Variants in ZCCHC8 observed in about 807,000 individuals in gnomAD.
ZCCHC8 encodes the protein zinc finger CCHC domain-containing protein 8.
Under a neutral mutation model 70.6 loss-of-function variants are expected in ZCCHC8, and 27 were observed. The ratio of observed to expected loss-of-function variants is 0.38; its 90% CI spans 0.28 to 0.53. The LOEUF is 0.53. ZCCHC8 is among the 20% of genes least tolerant of loss of function. The pLI is 0.81. For missense variants in ZCCHC8, 737 were observed against 876.9 expected (o/e 0.84, Z 2.01); for synonymous variants, 293 against 317.4 (o/e 0.92, Z 0.82).
At chr12:122,485,119 A>T (rs905423398) in intron 5 of ZCCHC8, among the ~76,000 whole-genome samples, 3 of 152,038 alleles carry the variant, frequency 2.0e-5, no homozygotes, top group African/African-American at 7.2e-5. Context: ...TATTATTATT[A>T]TTTTTTGAGA....
intron 4 of ZCCHC8, 27 bp from the exon 5 acceptor site, chr12:122,489,490 A>G (rs373140292): frequency 1.9e-6 from 3 of 1,599,628 alleles, no homozygotes; most frequent in Non-Finnish European, 2.6e-6. Flanking sequence ...CACATATTAC[A>G]ACCGGTAACC....
Position 122,483,234 on chromosome 12 carries a change from G to T in ZCCHC8, c.671+45C>A. ...TTCAAGCCAAAAGTTTATGATTTTG[G>T]TTAAAAAAGTAAATAAGTAAAACAA... On this transcript the variant is annotated intron_variant, in intron 7 of 13. Transcript: ENST00000633063. The surrounding 1 kb of genome is among the most constrained non-coding windows in gnomAD (Gnocchi z 4.4). The T allele has an allele frequency of 6.5e-7, 1 of 1,528,948 alleles. No individual in the cohort carries two copies. The highest frequency in any genetic ancestry group is 1.4e-5 in the African/African-American group (1 of 72,300). The allele number at this position is 1,528,948 out of a possible 1,614,324, so 94.7% of individuals were successfully genotyped here. A position where few individuals can be genotyped will look rare whatever the true frequency, so the allele number is the denominator to read the frequency against.
At position 122,477,930 on chromosome 12, in the gene ZCCHC8, G is replaced by A. The variant is rs1957452471; in HGVS notation, c.1256C>T (p.Ser419Phe). 1.2e-6 allele frequency: 2 copies of A among 1,613,816 alleles called. No individual in the cohort carries two copies. The highest frequency in any genetic ancestry group is 4.5e-5 in the East Asian group (2 of 44,870). Residue 419 changes from serine to phenylalanine, a missense_variant, in exon 13 of 14, where the codon TCT becomes TTT. Coordinates refer to ENST00000633063, the MANE Select transcript of ZCCHC8 (RefSeq NM_017612.5). ...ACTACCTGGGCTAGAGTGAGATGAAGACCTCTTGTTGCCAGACTTCACACC... is the reference window on the plus strand; with the variant it reads ...ACTACCTGGGCTAGAGTGAGATGAAAACCTCTTGTTGCCAGACTTCACACC... Reference protein sequence around the residue: ...APGVKSGNKRSSSHSSPGSPK... With the variant: ...APGVKSGNKRFSSHSSPGSPK...
At chr12:122,494,138 A>G (rs1436687352) in intron 2 of ZCCHC8, among the ~76,000 whole-genome samples, 1 of 152,200 alleles carries the variant, frequency 6.6e-6, no homozygotes, top group Non-Finnish European at 1.5e-5. Context: ...AATATATCCC[A>G]TGGGTAGCCC....
chr12:122,489,727 T>G (rs1456818613), intron 4 of ZCCHC8, among the ~76,000 whole-genome samples: 1 of 152,174 alleles, frequency 6.6e-6, no homozygotes, highest in Non-Finnish European at 1.5e-5. Context: ...AGTTTTACAT[T>G]ACTGGTCAAT....
At chr12:122,487,248 C>G (rs1337488336) in intron 5 of ZCCHC8, among the ~76,000 whole-genome samples, 1 of 152,208 alleles carries the variant, frequency 6.6e-6, no homozygotes, top group African/African-American at 2.4e-5. Flanking sequence ...AGAGCTGGGA[C>G]TTTGCCCTTC....
Position 122,500,781 on chromosome 12 carries a change from C to T in ZCCHC8, c.60G>A (p.Glu20=), listed in dbSNP as rs1460880950. Residue 20 remains glutamate, a synonymous_variant, in exon 1 of 14, where the codon GAG becomes GAA. Coordinates refer to ENST00000633063, the MANE Select transcript of ZCCHC8 (RefSeq NM_017612.5). The surrounding 1 kb of genome is among the most constrained non-coding windows in gnomAD (Gnocchi z 4.8). ...TGTGAACGGGCTTCGGAATCGACTC[C>T]TCTGGGTGGTCGAACGGCTCGAAGA... is the stretch of plus-strand genomic sequence containing the variant. ...LELFEPFDHP[E]ESIPKPVHTR... 1.3e-6 allele frequency: 2 copies of T among 1,590,522 alleles called. No homozygotes were observed. Among genetic ancestry groups the T allele is most frequent in the Non-Finnish European group, 1.7e-6 (2 of 1,168,974 alleles).
intron 9 of ZCCHC8, 108 bp from the exon 10 acceptor site, chr12:122,481,772 G>T (rs985802982): frequency 7.2e-7 from 1 of 1,382,042 alleles, no homozygotes; most frequent in Non-Finnish European, 9.7e-7. Context: ...ATACCATGAC[G>T]TCTAACAAAT....
chr12:122,483,579 C>T lies in ZCCHC8; in HGVS notation c.502-16G>A, dbSNP rs751284524. 1.3e-6 allele frequency: 2 copies of T among 1,530,726 alleles called. No homozygotes were observed. The highest frequency in any genetic ancestry group is 2.8e-5 in the African/African-American group (2 of 72,684). The allele number at this position is 1,530,726 out of a possible 1,614,324, so 94.8% of individuals were successfully genotyped here. ...TTCCTACAACCTGCAGAAAACAAGT[C>T]AAAAAATATTGCTATTTAAGCAGAA... On this transcript the variant is annotated splice_polypyrimidine_tract_variant and intron_variant, in intron 5 of 13. Transcript: ENST00000633063. The surrounding 1 kb of genome is among the most constrained non-coding windows in gnomAD (Gnocchi z 4.4).
Position 122,474,279 on chromosome 12 carries a change from A to C in ZCCHC8, c.1346-4T>G. The stretch of plus-strand genomic sequence containing the variant: ...GAACCATGTGGTACCTCCATATCTG[A>C]AGTAAGAAAGTTAAGAGATACTTTA... On this transcript the variant is annotated splice_region_variant and splice_polypyrimidine_tract_variant and intron_variant, in intron 13 of 13. Transcript: ENST00000633063. 7.2e-7 allele frequency: 1 copy of C among 1,387,018 alleles called. No homozygotes were observed. The highest frequency in any genetic ancestry group is 1.5e-5 in the African/African-American group (1 of 67,494). 85.9% of individuals were successfully genotyped at this position (1,387,018 alleles called of 1,614,324 possible).
At chr12:122,494,706 T>A (rs1957800849) in intron 2 of ZCCHC8, among the ~76,000 whole-genome samples, 1 of 152,000 alleles carries the variant, frequency 6.6e-6, no homozygotes, top group African/African-American at 2.4e-5. Flanking sequence ...ATACAAAAAA[T>A]TAGCCAGGCG....
At chr12:122,496,926 C>G (rs1329394351) in intron 2 of ZCCHC8, among the ~76,000 whole-genome samples, 1 of 152,120 alleles carries the variant, frequency 6.6e-6, no homozygotes, top group African/African-American at 2.4e-5. Flanking sequence ...GCGGGCAGAT[C>G]ATGATGTCAG....
Position 122,478,215 on chromosome 12 carries a change from G to GTT in ZCCHC8, c.1216_1217dup (p.Asn406LysfsTer8). The GTT allele has an allele frequency of 2.5e-6, 4 of 1,595,394 alleles. No homozygotes were observed. The highest frequency in any genetic ancestry group is 1.3e-5 in the African/African-American group (1 of 74,764). On this transcript the variant is annotated frameshift_variant, in exon 12 of 14. Coordinates refer to ENST00000633063, the MANE Select transcript of ZCCHC8 (RefSeq NM_017612.5). LOFTEE classifies it high-confidence loss of function. ...CTTAAAATCTATTTACCGCTTGGAA[G>GTT]TTAGAAGTAAGGTAATTGGCAAACA...
At position 122,500,610 on chromosome 12, in the gene ZCCHC8, G is replaced by C. The variant is rs765104013; in HGVS notation, c.199+32C>G. ...CTGGCGCTGCCCCGGCCCCACACCC[G>C]GGTGACAGGGCCCAGCGAGAGGAAA... On this transcript the variant is annotated intron_variant, in intron 1 of 13. Coordinates refer to ENST00000633063, the MANE Select transcript of ZCCHC8 (RefSeq NM_017612.5). The surrounding 1 kb of genome is among the most constrained non-coding windows in gnomAD (Gnocchi z 4.8). 26 of 1,535,734 alleles carry C rather than the reference G, an allele frequency of 1.7e-5. No homozygotes were observed. The highest frequency in any genetic ancestry group is 2.2e-5 in the Non-Finnish European group (25 of 1,141,932).
At chr12:122,482,464 T>C (rs1483136297) in intron 8 of ZCCHC8, 171 bp downstream of exon 8, 2 of 471,434 alleles carry the variant, frequency 4.2e-6, no homozygotes, top group East Asian at 6.5e-5. Flanking sequence ...CTGAAAAAAT[T>C]TAATGTCTTA....
Position 122,482,056 on chromosome 12 carries a change from C to T in ZCCHC8, c.764G>A (p.Arg255Lys). 6.2e-7 allele frequency: 1 copy of T among 1,610,828 alleles called. No individual in the cohort carries two copies. ...TCCACAGGCATCCATATACTCTTTT[C>T]TCTTTTCACTTATTCGAGCAGCATT... ...PRNAARISEK[R>K]KEYMDACGEA... Residue 255 changes from arginine (R) to lysine (K), a missense_variant, in exon 9 of 14, where the codon AGA becomes AAA. Physicochemically the swap from Arg to Lys is conservative, Grantham distance 26. Coordinates refer to ENST00000633063, the MANE Select transcript of ZCCHC8 (RefSeq NM_017612.5).
At chr12:122,477,742 A>T in intron 13 of ZCCHC8, 99 bp downstream of exon 13, 1 of 908,616 alleles carries the variant, frequency 1.1e-6, no homozygotes, top group Non-Finnish European at 1.7e-6. Context: ...GTGAGCCGAG[A>T]TCACGCCATT....
At chr12:122,496,635 C>T (rs1957830067) in intron 2 of ZCCHC8, among the ~76,000 whole-genome samples, 1 of 151,996 alleles carries the variant, frequency 6.6e-6, no homozygotes, top group Non-Finnish European at 1.5e-5. Flanking sequence ...GTAGCTGAGA[C>T]CAGAGGAACA....
chr12:122,478,735 G>C (rs926546688), intron 11 of ZCCHC8, among the ~76,000 whole-genome samples: 1 of 151,972 alleles, frequency 6.6e-6, no homozygotes, highest in Non-Finnish European at 1.5e-5. Flanking sequence ...CACACAGCTT[G>C]TTTCTCTCTC....
Sources: gnomAD v4.1 joint callset for allele counts (sites outside exome capture counted in the v4.1 genomes callset) on GRCh38, gnomAD v4.1.1 for gene constraint, Gnocchi (gnomAD v3.1) non-coding constraint, MANE v1.5 for transcripts, NCBI Gene and HGNC (gene_info 2026-07-23, HGNC 2026-07-21) for gene names.